GALNT13: variants seen among roughly 807,000 people sequenced by gnomAD.
GALNT13 encodes UDP-GalNAc:polypeptide N-acetylgalactosaminyltransferase 13.
In GALNT13, 28 loss-of-function variants were observed where a neutral mutation model predicts 64.2. The ratio of observed to expected loss-of-function variants is 0.44; its 90% CI spans 0.32 to 0.60. The LOEUF (loss-of-function observed/expected upper bound fraction) is 0.60. GALNT13 is among the 20% of genes least tolerant of loss of function. The pLI is 0.05. For missense variants in GALNT13, 577 were observed against 669.8 expected (o/e 0.86, Z 1.53); for synonymous variants, 214 against 224.6 (o/e 0.95, Z 0.42).
chr2:153,610,492 T>C, the GALNT13 span, among the ~76,000 whole-genome samples: 1 of 152,072 alleles, frequency 6.6e-6, no homozygotes, highest in African/African-American at 2.4e-5. Context: ...CTGTCCAACA[T>C]GGCGAAACCC....
the GALNT13 span, among the ~76,000 whole-genome samples, chr2:153,183,323 T>A: frequency 6.6e-6 from 1 of 151,406 alleles, no homozygotes; most frequent in East Asian, 1.9e-4. Context: ...TTTTAATGGG[T>A]TTTTTTTCTC....
At chr2:154,181,420 T>G (rs2105730821) in intron 4 of GALNT13, among the ~76,000 whole-genome samples, 1 of 152,282 alleles carries the variant, frequency 6.6e-6, no homozygotes, top group East Asian at 1.9e-4. Flanking sequence ...ATATTTACAT[T>G]AACATTTTTT....
chr2:153,458,244 T>G, the GALNT13 span, among the ~76,000 whole-genome samples: 1 of 152,108 alleles, frequency 6.6e-6, no homozygotes, highest in Non-Finnish European at 1.5e-5. Flanking sequence ...TCAGTAGTTT[T>G]TTTTTGTCAT....
At chr2:154,218,571 A>G (rs1204115847) in intron 4 of GALNT13, among the ~76,000 whole-genome samples, 1 of 152,064 alleles carries the variant, frequency 6.6e-6, no homozygotes, top group Non-Finnish European at 1.5e-5. Flanking sequence ...CAAAATCATT[A>G]TTGGTGCTCC....
intron 9 of GALNT13, 41 bp downstream of exon 9, chr2:154,301,630 T>A: frequency 1.5e-6 from 2 of 1,328,548 alleles, no homozygotes; most frequent in South Asian, 2.6e-5. Flanking sequence ...CAGGAGAAAA[T>A]AAAATTGAAA....
intron 1 of GALNT13, among the ~76,000 whole-genome samples, chr2:153,890,819 G>A (rs917467346): frequency 2.0e-5 from 3 of 151,996 alleles, no homozygotes; most frequent in African/African-American, 7.2e-5. Flanking sequence ...GTTTAGAGCT[G>A]TTAAACCTGA....
At chr2:154,075,160 T>C (rs6712610) in intron 3 of GALNT13, among the ~76,000 whole-genome samples, 85,777 of 151,568 alleles carry the variant, frequency 0.57, 26,080 homozygotes, top group Middle Eastern at 0.7. Flanking sequence ...AAACTACCTT[T>C]TGGGTACTAT....
rs1302630198 is a variant in GALNT13 at position 153,901,959 on chromosome 2, T to C, written c.-105+952T>C. On this transcript the variant is annotated intron_variant, in intron 2 of 12. Coordinates refer to ENST00000392825, the MANE Select transcript of GALNT13 (RefSeq NM_052917.4). The stretch of plus-strand genomic sequence containing the variant: ...TGAAGAAGAGATTGCAATGAAGGGT[T>C]GAGCTTGACTTACCATTCTCTTCCC... 2.0e-5 allele frequency among the ~76,000 whole-genome samples: 3 copies of C among 152,266 alleles called. No homozygotes were observed. The East Asian group carries it at 5.8e-4, about 29-fold the overall frequency.
chr2:153,780,242 T>TGC, the GALNT13 span, among the ~76,000 whole-genome samples: 62 of 78,418 alleles, frequency 7.9e-4, no homozygotes, highest in South Asian at 9.3e-4. Flanking sequence ...TATATATATA[T>TGC]ATATATATAT....
intron 3 of GALNT13, among the ~76,000 whole-genome samples, chr2:154,080,789 C>G (rs1215359713): frequency 6.6e-6 from 1 of 151,528 alleles, no homozygotes; most frequent in East Asian, 1.9e-4. Flanking sequence ...GAATTGTAAC[C>G]CTGTGCTAGC....
At chr2:153,368,442 ACTGT>A in the GALNT13 span, among the ~76,000 whole-genome samples, 1 of 152,164 alleles carries the variant, frequency 6.6e-6, no homozygotes, top group Non-Finnish European at 1.5e-5. Context: ...GTGAGAAATA[ACTGT>A]CTGTGTTTAA....
the GALNT13 span, among the ~76,000 whole-genome samples, chr2:153,295,430 A>G: frequency 2.6e-5 from 4 of 152,040 alleles, no homozygotes; most frequent in African/African-American, 7.2e-5. Context: ...CCTTGGATTA[A>G]TACTTTGTCC....
chr2:153,439,439 G>A, the GALNT13 span, among the ~76,000 whole-genome samples: 14 of 152,310 alleles, frequency 9.2e-5, no homozygotes, highest in South Asian at 2.9e-3. Flanking sequence ...GAGGCAGGCA[G>A]GCCTCCTTGA....
At chr2:153,605,508 G>C in the GALNT13 span, among the ~76,000 whole-genome samples, 1 of 152,060 alleles carries the variant, frequency 6.6e-6, no homozygotes, top group Non-Finnish European at 1.5e-5. Context: ...TGGCATATTT[G>C]ATGAAAGTTT....
At chr2:154,258,963 TAAACTCC>T in intron 7 of GALNT13, 51 bp from the exon 8 acceptor site, 1 of 903,590 alleles carries the variant, frequency 1.1e-6, no homozygotes, top group Admixed American at 1.9e-5. Flanking sequence ...ACAGTCTCAT[TAAACTCC>T]ATACATTGTT....
At chr2:153,329,341 G>C in the GALNT13 span, among the ~76,000 whole-genome samples, 2 of 152,170 alleles carry the variant, frequency 1.3e-5, no homozygotes, top group Non-Finnish European at 2.9e-5. Context: ...AGTTCTTTGA[G>C]AAATTGCCAA....
chr2:154,154,685 C>G (rs1422976346), intron 4 of GALNT13, among the ~76,000 whole-genome samples: 3 of 151,898 alleles, frequency 2.0e-5, no homozygotes, highest in Non-Finnish European at 2.9e-5. Flanking sequence ...GGAAAAACAC[C>G]AAACTTAAGA....
chr2:153,764,898 C>T, the GALNT13 span, among the ~76,000 whole-genome samples: 1 of 152,220 alleles, frequency 6.6e-6, no homozygotes, highest in East Asian at 1.9e-4. Flanking sequence ...GCCATTGCTT[C>T]AGAGGGTGCA....
chr2:153,792,200 G>T, the GALNT13 span, among the ~76,000 whole-genome samples: 2 of 151,940 alleles, frequency 1.3e-5, no homozygotes, highest in Admixed American at 1.3e-4. Context: ...TCTGTATTTG[G>T]TGGGTTCTAC....
Sources: allele counts gnomAD v4.1 joint callset (sites outside exome capture counted in the v4.1 genomes callset), GRCh38; gene constraint gnomAD v4.1.1; transcripts MANE v1.5; gene names NCBI Gene and HGNC (gene_info 2026-07-23, HGNC 2026-07-21).